The following PDE11A variants were observed in gnomAD, a reference collection of about 807,000 sequenced individuals.
The protein encoded by PDE11A is dual 3',5'-cyclic-AMP and -GMP phosphodiesterase 11A.
A neutral mutation model predicts 100.5 loss-of-function variants in PDE11A; 100 were observed. That is an observed-to-expected ratio of 1.00 (90% CI 0.85 to 1.18). The LOEUF is 1.18. Ranked by LOEUF, PDE11A falls within the 50% of genes most tolerant of loss-of-function variation. The probability of loss-of-function intolerance (pLI) is 0.00; values close to 1 mark genes in which losing one functional copy is unlikely to be tolerated. For synonymous variants in PDE11A, 381 were observed against 420.8 expected, an observed-to-expected ratio of 0.91 and a Z score of 1.16; for missense variants, 1,141 against 1,152.6, an observed-to-expected ratio of 0.99 and a Z score of 0.15.
chr2:177,851,087 G>T (rs6721029), intron 5 of PDE11A, among the ~76,000 whole-genome samples: 3 of 151,730 alleles, frequency 2.0e-5, no homozygotes, highest in Non-Finnish European at 4.4e-5. Context: ...ACATGCACAC[G>T]TATGTTTATT....
chr2:177,808,495 C>T (rs2082905295), intron 9 of PDE11A, among the ~76,000 whole-genome samples: 1 of 152,196 alleles, frequency 6.6e-6, no homozygotes, highest in African/African-American at 2.4e-5. Context: ...ATGCCCCAAA[C>T]TAGGTCTACC....
chr2:177,980,226 C>T (rs2105802431), intron 2 of PDE11A, among the ~76,000 whole-genome samples: 1 of 150,432 alleles, frequency 6.6e-6, no homozygotes, highest in Non-Finnish European at 1.5e-5. Flanking sequence ...TCCCGATATT[C>T]CCAATTCTAT....
chr2:177,681,936 C>T (rs1272540193), intron 15 of PDE11A, among the ~76,000 whole-genome samples: 1 of 152,220 alleles, frequency 6.6e-6, no homozygotes, highest in Non-Finnish European at 1.5e-5. Flanking sequence ...CCTTGCAAAG[C>T]TGTCTCTTTT....
intron 2 of PDE11A, among the ~76,000 whole-genome samples, chr2:177,985,837 G>C (rs922776918): frequency 6.6e-6 from 1 of 152,190 alleles, no homozygotes; most frequent in East Asian, 1.9e-4. Context: ...AGAACAATGC[G>C]CAAGTGCTTG....
chr2:177,901,543 A>C (rs543776502), intron 3 of PDE11A, among the ~76,000 whole-genome samples: 1 of 152,350 alleles, frequency 6.6e-6, no homozygotes, highest in South Asian at 2.1e-4. Context: ...TTATCTCTAA[A>C]GAAAGACTGA....
chr2:177,897,510 T>A (rs1041209729), intron 4 of PDE11A, among the ~76,000 whole-genome samples: 1 of 152,184 alleles, frequency 6.6e-6, no homozygotes, highest in African/African-American at 2.4e-5. Flanking sequence ...CCTGGAAGCC[T>A]CCACAGGACA....
intron 1 of PDE11A, among the ~76,000 whole-genome samples, chr2:178,020,385 T>G (rs1385299254): frequency 2.0e-5 from 3 of 152,200 alleles, no homozygotes; most frequent in Non-Finnish European, 2.9e-5. Context: ...CAAAGTCACA[T>G]GAGAACAATA....
Position 177,895,457 on chromosome 2 carries a change from G to T in PDE11A, c.1302+2601C>A, listed in dbSNP as rs865833673. ...TTATCCCAGCAACTCAGGAGACTGA[G>T]GCAGGAGAATTGCTTGAACCCAGGA... On this transcript the variant is annotated intron_variant, in intron 4 of 19. Transcript: ENST00000286063. Among the ~76,000 whole-genome samples, 14 of 152,068 alleles carry T rather than the reference G, an allele frequency of 9.2e-5. No homozygotes were observed. The Middle Eastern group carries it at 0.024, about 259-fold the overall frequency.
chr2:177,707,311 CAGGAAGTGTT>C (rs1409499056), intron 13 of PDE11A, among the ~76,000 whole-genome samples: 4 of 152,142 alleles, frequency 2.6e-5, no homozygotes, highest in Admixed American at 2.6e-4. Context: ...CTCATTGTCT[CAGGAAGTGTT>C]AGTTGCAAAG....
intron 6 of PDE11A, among the ~76,000 whole-genome samples, chr2:177,832,412 T>C (rs2083324967): frequency 6.6e-6 from 1 of 152,206 alleles, no homozygotes; most frequent in Non-Finnish European, 1.5e-5. Context: ...GTCTTTCTCT[T>C]GTGCTGGATG....
At chr2:177,957,088 C>CAA (rs199859889) in intron 2 of PDE11A, among the ~76,000 whole-genome samples, 2 of 148,588 alleles carry the variant, frequency 1.3e-5, no homozygotes, top group Admixed American at 1.3e-4. Flanking sequence ...AGCAAAAAAA[C>CAA]AAAAAAAAAC....
intron 2 of PDE11A, among the ~76,000 whole-genome samples, chr2:177,986,346 C>T (rs1300189376): frequency 6.6e-6 from 1 of 152,186 alleles, no homozygotes; most frequent in African/African-American, 2.4e-5. Context: ...GCATCTCTAG[C>T]AGCAGGGTCA....
chr2:178,028,053 TG>T (rs1419016255), intron 1 of PDE11A, among the ~76,000 whole-genome samples: 1 of 152,160 alleles, frequency 6.6e-6, no homozygotes. Flanking sequence ...CATCTTCTAC[TG>T]GGAAAAGGAC....
intron 5 of PDE11A, among the ~76,000 whole-genome samples, chr2:177,859,094 C>T (rs1418097075): frequency 2.0e-5 from 3 of 151,672 alleles, no homozygotes; most frequent in East Asian, 1.9e-4. Flanking sequence ...CAGGGCCTGT[C>T]GTGGGGTGGG....
Position 177,701,144 on chromosome 2 carries a change from CG to C in PDE11A, c.2220del (p.His740GlnfsTer3), listed in dbSNP as rs763437459. Reference sequence around the variant, plus strand: ...ACCTCACTTTGAAGGATCATCACGGCGTGGTTGAAATGGTGATGCTCCAAGG... The same window carrying C: ...ACCTCACTTTGAAGGATCATCACGGCTGGTTGAAATGGTGATGCTCCAAGG... ...SATLEHHHFNHAVMILQSEGH... is the reference protein window; with the variant it reads ...SATLEHHHFNXAVMILQSEGH... On this transcript the variant is annotated frameshift_variant, in exon 14 of 20. Coordinates refer to ENST00000286063, the MANE Select transcript of PDE11A (RefSeq NM_016953.4). LOFTEE classifies it high-confidence loss of function. 1 of 1,601,278 alleles carries C rather than the reference CG, an allele frequency of 6.2e-7. No homozygotes were observed. Among genetic ancestry groups the C allele is most frequent in the Non-Finnish European group, 8.6e-7 (1 of 1,168,356 alleles).
chr2:178,101,984 G>A (rs955587684), intron 2 of PDE11A, among the ~76,000 whole-genome samples: 16 of 150,836 alleles, frequency 1.1e-4, no homozygotes, highest in African/African-American at 3.9e-4. Context: ...GTTTTTTTGA[G>A]ACAGGGTCTC....
intron 1 of PDE11A, among the ~76,000 whole-genome samples, chr2:178,054,019 T>C (rs2086865139): frequency 1.3e-5 from 2 of 152,158 alleles, no homozygotes; most frequent in Non-Finnish European, 2.9e-5. Flanking sequence ...ACTTTAAAGT[T>C]CATATGGAAC....
At chr2:177,704,715 C>A (rs1345951780) in intron 13 of PDE11A, among the ~76,000 whole-genome samples, 1 of 152,088 alleles carries the variant, frequency 6.6e-6, no homozygotes, top group Non-Finnish European at 1.5e-5. Context: ...TTGGAAAATG[C>A]TGGCTTTAAA....
intron 2 of PDE11A, among the ~76,000 whole-genome samples, chr2:177,995,161 G>A (rs1456092891): frequency 6.6e-6 from 1 of 152,188 alleles, no homozygotes; most frequent in Non-Finnish European, 1.5e-5. Flanking sequence ...TAGTTGAAAT[G>A]GCTTTGGGCC....
Sources: gnomAD v4.1 joint callset for allele counts (sites outside exome capture counted in the v4.1 genomes callset) on GRCh38, gnomAD v4.1.1 for gene constraint, MANE v1.5 for transcripts, NCBI Gene and HGNC (gene_info 2026-07-23, HGNC 2026-07-21) for gene names.